The following MOB1A variants were observed in gnomAD, a reference collection of about 807,000 sequenced individuals.
MOB1A encodes the protein MOB1 Mps One Binder homolog A.
MOB1A carries 10 observed loss-of-function variants against 25.1 expected under a neutral mutation model. The observed-to-expected ratio is 0.40, with a 90% CI of 0.25 to 0.68. MOB1A has a LOEUF of 0.68. Among genes scored for constraint, MOB1A ranks in the 30% least tolerant of loss-of-function variants. MOB1A has a pLI of 0.40. For missense variants in MOB1A, 177 were observed against 256.3 expected (o/e 0.69, Z 2.11); for synonymous variants, 81 against 79.5 (o/e 1.02, Z -0.10).
At chr2:74,174,763 T>TAC (rs1270915092) in intron 1 of MOB1A, among the ~76,000 whole-genome samples, 1 of 152,138 alleles carries the variant, frequency 6.6e-6, no homozygotes, top group African/African-American at 2.4e-5. Flanking sequence ...TAACATATAT[T>TAC]ACAAAGGATG....
Position 74,162,068 on chromosome 2 carries a change from T to C in MOB1A, c.410-2814A>G, listed in dbSNP as rs192801163. Among the ~76,000 whole-genome samples the C allele has an allele frequency of 1.8e-3, 275 of 152,312 alleles. 3 individuals are homozygous for C. Among genetic ancestry groups the C allele is most frequent in the African/African-American group, 6.2e-3 (258 of 41,562 alleles). On this transcript the variant is annotated intron_variant, in intron 4 of 5. Coordinates refer to ENST00000396049, the MANE Select transcript of MOB1A (RefSeq NM_018221.5). Reference sequence around the variant, plus strand: ...TGTGCATATATTAGTAAAAAATTAATGATAAACAGTTCTGTCTGAGACTAA... The same window carrying C: ...TGTGCATATATTAGTAAAAAATTAACGATAAACAGTTCTGTCTGAGACTAA...
At chr2:74,157,673 A>G (rs1008999897) in intron 5 of MOB1A, among the ~76,000 whole-genome samples, 1 of 152,166 alleles carries the variant, frequency 6.6e-6, no homozygotes, top group African/African-American at 2.4e-5. Flanking sequence ...CCACTGTAGA[A>G]ATGATCACTT....
intron 4 of MOB1A, 105 bp from the exon 5 acceptor site, chr2:74,159,359 T>C (rs1455624605): frequency 9.8e-7 from 1 of 1,019,698 alleles, no homozygotes; most frequent in Non-Finnish European, 1.5e-6. Context: ...TGGTGCAATC[T>C]CAGCTCACTG....
intron 2 of MOB1A, among the ~76,000 whole-genome samples, chr2:74,172,318 C>A (rs373242964): frequency 1.3e-5 from 2 of 152,202 alleles, no homozygotes; most frequent in East Asian, 3.8e-4. Flanking sequence ...AATCTTTTAT[C>A]TGACCTTACT....
chr2:74,161,465 A>C (rs1484352666), intron 4 of MOB1A, among the ~76,000 whole-genome samples: 1 of 151,724 alleles, frequency 6.6e-6, no homozygotes, highest in Non-Finnish European at 1.5e-5. Flanking sequence ...AACACAGTGA[A>C]ACCCTGTCTC....
At chr2:74,160,139 A>G (rs976418504) in intron 4 of MOB1A, among the ~76,000 whole-genome samples, 1 of 152,156 alleles carries the variant, frequency 6.6e-6, no homozygotes, top group African/African-American at 2.4e-5. Context: ...ATGCAACAAG[A>G]GTAAGTATTT....
intron 3 of MOB1A, 120 bp from the exon 4 acceptor site, chr2:74,165,471 C>A (rs1435882972): frequency 7.3e-6 from 4 of 548,002 alleles, no homozygotes; most frequent in Non-Finnish European, 1.2e-5. Context: ...TTTAATAAAT[C>A]ACCTTAAGTT....
chr2:74,173,376 GTTTTTTTTTTT>G (rs35382378), intron 1 of MOB1A, among the ~76,000 whole-genome samples: 1 of 93,314 alleles, frequency 1.1e-5, no homozygotes, highest in African/African-American at 4.1e-5. Context: ...CTCAATTTCG[GTTTTTTTTTTT>G]TTTTTTTTTT....
chr2:74,173,375 G>GT (rs1693351638), intron 1 of MOB1A, among the ~76,000 whole-genome samples: 7 of 110,258 alleles, frequency 6.3e-5, no homozygotes, highest in Non-Finnish European at 1.3e-4. Context: ...CCTCAATTTC[G>GT]GTTTTTTTTT....
chr2:74,168,515 C>G (rs1055263067), intron 2 of MOB1A, among the ~76,000 whole-genome samples: 1 of 152,122 alleles, frequency 6.6e-6, no homozygotes, highest in East Asian at 1.9e-4. Context: ...TGGTGGCACA[C>G]GCCTGTAGTC....
rs1692757466 is a variant in MOB1A, at chr2:74,154,797, T to C, written c.*1771A>G. ...ATACAGAATGGCTGACATTTGGACC[T>C]TTGGATAAGCTTAAAACATGGATTG... On this transcript the variant is annotated 3_prime_UTR_variant, in exon 6 of 6. Coordinates refer to ENST00000396049, the MANE Select transcript of MOB1A (RefSeq NM_018221.5). The C allele has an allele frequency of 6.6e-6, 1 of 152,202 alleles. No homozygotes were observed. Among genetic ancestry groups the C allele is most frequent in the African/African-American group, 2.4e-5 (1 of 41,446 alleles). 9.4% of individuals were successfully genotyped at this position (152,202 alleles called of 1,614,324 possible). A position where few individuals can be genotyped will look rare whatever the true frequency, so the allele number is the denominator to read the frequency against.
At chr2:74,163,992 G>A (rs1230143604) in intron 4 of MOB1A, 1 of 152,008 alleles carries the variant, frequency 6.6e-6, no homozygotes, top group African/African-American at 2.4e-5. Flanking sequence ...AAAAAGAAGA[G>A]CGAGGAAGGG....
In MOB1A at chr2:74,172,687, T is replaced by C; in HGVS notation, c.80A>G (p.Glu27Gly). 6.2e-7 allele frequency: 1 copy of C among 1,613,972 alleles called. No homozygotes were observed. Among genetic ancestry groups the C allele is most frequent in the Non-Finnish European group, 8.5e-7 (1 of 1,179,880 alleles). ...AGTTGCTTCTGCATGTTTTAAGAGT[T>C]CATACTGATGAGATCCTTCAGGGAT... ...KNIPEGSHQY[E>G]LLKHAEATLG... is the part of the protein sequence containing the mutation. Residue 27 changes from glutamate to glycine, a missense_variant, in exon 2 of 6, where the codon GAA becomes GGA. Transcript: ENST00000396049.
chr2:74,163,032 T>A (rs1693018018), intron 4 of MOB1A, among the ~76,000 whole-genome samples: 1 of 152,184 alleles, frequency 6.6e-6, no homozygotes, highest in African/African-American at 2.4e-5. Context: ...TATAATTTTT[T>A]AAAAATCCAT....
In MOB1A at chr2:74,155,896, A is replaced by G. The variant is rs897457100; in HGVS notation, c.*672T>C. On this transcript the variant is annotated 3_prime_UTR_variant, in exon 6 of 6. Transcript: ENST00000396049. ...TAGATAGATATGAAAACAATCTCAA[A>G]TAAAGATCAAAAAATAAAGTCCCTG... 5.3e-5 allele frequency: 8 copies of G among 152,284 alleles called. No individual in the cohort carries two copies. Among genetic ancestry groups the G allele is most frequent in the Non-Finnish European group, 7.4e-5 (5 of 67,982 alleles). 9.4% of individuals were successfully genotyped at this position (152,284 alleles called of 1,614,324 possible).
rs1043742409 is a variant in MOB1A at position 74,155,191 on chromosome 2, A to C, written c.*1377T>G. ...TCCAGTATAATACTTGTTGTGCCTC[A>C]GTACATTTTAAATAGACAGCTAGAG... On this transcript the variant is annotated 3_prime_UTR_variant, in exon 6 of 6. Coordinates refer to ENST00000396049, the MANE Select transcript of MOB1A (RefSeq NM_018221.5). 4.6e-5 allele frequency: 7 copies of C among 152,580 alleles called. No individual in the cohort carries two copies. Among genetic ancestry groups the C allele is most frequent in the African/African-American group, 1.7e-4 (7 of 41,468 alleles). The allele number at this position is 152,580 out of a possible 1,614,324, so 9.5% of individuals were successfully genotyped here.
intron 2 of MOB1A, among the ~76,000 whole-genome samples, chr2:74,168,029 T>C (rs1184279150): frequency 1.3e-5 from 2 of 152,062 alleles, no homozygotes; most frequent in African/African-American, 4.8e-5. Context: ...GTCCCAGCTA[T>C]GTAGGAGGCT....
intron 4 of MOB1A, among the ~76,000 whole-genome samples, chr2:74,163,217 C>T (rs1033275555): frequency 6.6e-6 from 1 of 152,126 alleles, no homozygotes; most frequent in Non-Finnish European, 1.5e-5. Flanking sequence ...AATACATTAT[C>T]AGAAAGGAAG....
Position 74,165,143 on chromosome 2 carries a change from A to C in MOB1A, c.409+75T>G, listed in dbSNP as rs768612872. ...GAGACCAACCTGGACAACACAGCAA[A>C]CCCCCCCAACTCTATTTATATTAAT... On this transcript the variant is annotated intron_variant, in intron 4 of 5. Transcript: ENST00000396049. The C allele has an allele frequency of 3.0e-5, 36 of 1,187,086 alleles. No homozygotes were observed. In the Middle Eastern group the frequency reaches 8.9e-4, roughly 29 times the overall value. 73.5% of individuals were successfully genotyped at this position (1,187,086 alleles called of 1,614,324 possible). A position where few individuals can be genotyped will look rare whatever the true frequency, so the allele number is the denominator to read the frequency against.
Sources: allele counts gnomAD v4.1 joint callset (sites outside exome capture counted in the v4.1 genomes callset), GRCh38; gene constraint gnomAD v4.1.1; transcripts MANE v1.5; gene names NCBI Gene and HGNC (gene_info 2026-07-23, HGNC 2026-07-21).